PRELID2: variants seen among roughly 807,000 people sequenced by gnomAD.
PRELID2 encodes PRELI domain containing 2.
In PRELID2, 25 loss-of-function variants were observed where a neutral mutation model predicts 28.4. That is an observed-to-expected ratio of 0.88 (90% CI 0.64 to 1.23). PRELID2 has a LOEUF of 1.23. Ranked by LOEUF, PRELID2 falls within the 50% of genes most tolerant of loss-of-function variation. The pLI, the probability that PRELID2 is intolerant of heterozygous loss-of-function variation, is 0.00. For missense variants in PRELID2, 201 were observed against 214.4 expected (o/e 0.94, Z 0.39); for synonymous variants, 76 against 71.6 (o/e 1.06, Z -0.31).
intron 5 of PRELID2, among the ~76,000 whole-genome samples, chr5:145,789,485 C>A (rs1752226203): frequency 6.6e-6 from 1 of 152,006 alleles, no homozygotes; most frequent in Non-Finnish European, 1.5e-5. Context: ...ACACCATATA[C>A]AAAAATCAAC....
intron 1 of PRELID2, among the ~76,000 whole-genome samples, chr5:145,509,591 T>C (rs1250820240): frequency 1.3e-5 from 2 of 152,222 alleles, no homozygotes. Context: ...GCCAGAACCA[T>C]AAGTAATAAT....
At chr5:145,308,049 G>A in the PRELID2 span, among the ~76,000 whole-genome samples, 38 of 152,242 alleles carry the variant, frequency 2.5e-4, no homozygotes, top group Admixed American at 1.2e-3. Context: ...TCATTTGAAG[G>A]GAGGAAGCGG....
chr5:145,480,653 G>A (rs1469260100), intron 1 of PRELID2, among the ~76,000 whole-genome samples: 1 of 151,956 alleles, frequency 6.6e-6, no homozygotes, highest in Non-Finnish European at 1.5e-5. Flanking sequence ...GAATAAAAAG[G>A]ACTGTTTGAC....
At chr5:145,777,975 G>C (rs1238450848) in intron 5 of PRELID2, among the ~76,000 whole-genome samples, 4 of 152,184 alleles carry the variant, frequency 2.6e-5, no homozygotes, top group South Asian at 2.1e-4. Flanking sequence ...ACAGGTTCCT[G>C]GACGGAAGGG....
chr5:145,451,767 A>G, the PRELID2 span, among the ~76,000 whole-genome samples: 2 of 152,264 alleles, frequency 1.3e-5, no homozygotes, highest in East Asian at 3.9e-4. Context: ...TTATTTTTTA[A>G]AGTCAGTTTA....
intron 1 of PRELID2, among the ~76,000 whole-genome samples, chr5:145,732,855 A>G (rs948403754): frequency 7.2e-5 from 11 of 152,212 alleles, no homozygotes; most frequent in African/African-American, 2.4e-4. Flanking sequence ...TGGGAAGTGA[A>G]GATTAAAATA....
chr5:145,802,246 T>C (rs984461574), intron 4 of PRELID2, among the ~76,000 whole-genome samples: 4 of 152,240 alleles, frequency 2.6e-5, no homozygotes, highest in Non-Finnish European at 4.4e-5. Flanking sequence ...AACAGTGCTG[T>C]TATGAAAATG....
the PRELID2 span, among the ~76,000 whole-genome samples, chr5:145,285,346 A>T: frequency 1.3e-5 from 2 of 152,166 alleles, no homozygotes; most frequent in Non-Finnish European, 2.9e-5. Context: ...TAAAGATAGC[A>T]CTAAGAATAG....
At chr5:145,579,147 A>G (rs1216198528) in intron 1 of PRELID2, among the ~76,000 whole-genome samples, 2 of 152,138 alleles carry the variant, frequency 1.3e-5, no homozygotes, top group African/African-American at 4.8e-5. Flanking sequence ...TCAGGCTGAC[A>G]TAAAATACAC....
At chr5:145,493,081 C>G (rs901070725) in intron 1 of PRELID2, among the ~76,000 whole-genome samples, 13 of 140,454 alleles carry the variant, frequency 9.3e-5, no homozygotes, top group African/African-American at 3.3e-4. Flanking sequence ...TCTTCGGACC[C>G]TCTTCCATGT....
the PRELID2 span, among the ~76,000 whole-genome samples, chr5:145,421,948 G>A: frequency 7.4e-4 from 112 of 152,052 alleles, 1 homozygote; most frequent in South Asian, 7.3e-3. Context: ...GTTCTCCTTC[G>A]TTTCAAAGAA....
chr5:145,718,960 A>G (rs1393283860), intron 1 of PRELID2, among the ~76,000 whole-genome samples: 2 of 152,100 alleles, frequency 1.3e-5, no homozygotes, highest in African/African-American at 4.8e-5. Flanking sequence ...AGCATACACT[A>G]TATGGGAAAA....
chr5:145,470,898 G>A (rs1047121074), downstream of PRELID2, among the ~76,000 whole-genome samples: 2 of 151,966 alleles, frequency 1.3e-5, no homozygotes, highest in Non-Finnish European at 2.9e-5. Context: ...CTTCTTGAGG[G>A]CATGTCTTTG....
In PRELID2 at chr5:145,484,089, G is replaced by A. The variant is rs565402238; in HGVS notation, n.71-10774C>T. On this transcript the variant is annotated intron_variant and non_coding_transcript_variant, in intron 1 of 2. Transcript: ENST00000510259. Reference sequence around the variant, plus strand: ...CATAAATAACGGTAATTTAACATGGGAAGGTTAAGTGCCACAGGCAAGGAA... The same window carrying A: ...CATAAATAACGGTAATTTAACATGGAAAGGTTAAGTGCCACAGGCAAGGAA... 5.3e-5 allele frequency among the ~76,000 whole-genome samples: 8 copies of A among 152,348 alleles called. No individual in the cohort carries two copies. The East Asian group carries it at 1.5e-3, about 29-fold the overall frequency.
the PRELID2 span, among the ~76,000 whole-genome samples, chr5:145,460,484 CT>C: frequency 1.3e-5 from 2 of 152,146 alleles, no homozygotes. Flanking sequence ...CACTTGCTGA[CT>C]TTCTTTTCCT....
At chr5:145,296,298 G>A in the PRELID2 span, among the ~76,000 whole-genome samples, 8 of 150,988 alleles carry the variant, frequency 5.3e-5, no homozygotes, top group South Asian at 6.3e-4. Flanking sequence ...CCATTAACTC[G>A]TCACTTAGCA....
At chr5:145,481,650 A>AAG (rs1752162716) in intron 1 of PRELID2, among the ~76,000 whole-genome samples, 1 of 117,892 alleles carries the variant, frequency 8.5e-6, no homozygotes, top group African/African-American at 3.3e-5. Flanking sequence ...AAAAAAAAAA[A>AAG]AAAGAAAGAA....
intron 1 of PRELID2, among the ~76,000 whole-genome samples, chr5:145,599,946 G>T (rs62394187): frequency 2.0e-5 from 3 of 152,058 alleles, no homozygotes; most frequent in South Asian, 4.1e-4. Context: ...CATCTTCCAA[G>T]GTATTTCTAA....
intron 1 of PRELID2, among the ~76,000 whole-genome samples, chr5:145,506,232 T>A (rs1752410554): frequency 6.6e-6 from 1 of 152,186 alleles, no homozygotes; most frequent in South Asian, 2.1e-4. Context: ...TCTGCTTCCA[T>A]CAGAATGGCT....
Sources: allele counts gnomAD v4.1 joint callset (sites outside exome capture counted in the v4.1 genomes callset), GRCh38; gene constraint gnomAD v4.1.1; transcripts MANE v1.5; gene names NCBI Gene and HGNC (gene_info 2026-07-23, HGNC 2026-07-21).